NPAS1: variants seen among roughly 807,000 people sequenced by gnomAD.
The protein encoded by NPAS1 is neuronal PAS domain protein 1.
In NPAS1, 29 loss-of-function variants were observed where a neutral mutation model predicts 49.2. The observed-to-expected ratio is 0.59, with a 90% CI of 0.44 to 0.80. The LOEUF is 0.80. NPAS1 is among the 30% of genes least tolerant of loss of function. The pLI is 0.00. For missense variants in NPAS1, 825 were observed against 835.5 expected (o/e 0.99, Z 0.15); for synonymous variants, 408 against 380.4 (o/e 1.07, Z -0.84).
At chr19:47,037,638 G>A (rs562979505) in intron 6 of NPAS1, among the ~76,000 whole-genome samples, 4 of 152,156 alleles carry the variant, frequency 2.6e-5, no homozygotes, top group African/African-American at 9.6e-5. Flanking sequence ...TGAGATGTTG[G>A]GGGCCTATGA....
At chr19:47,044,361 C>T (rs2057052670) in intron 11 of NPAS1, among the ~76,000 whole-genome samples, 1 of 150,706 alleles carries the variant, frequency 6.6e-6, no homozygotes, top group African/African-American at 2.4e-5. Flanking sequence ...GCATGAGCCA[C>T]CATGCCCTGC....
intron 5 of NPAS1, among the ~76,000 whole-genome samples, chr19:47,035,568 CCT>C (rs1474807078): frequency 6.6e-6 from 1 of 152,126 alleles, no homozygotes; most frequent in Non-Finnish European, 1.5e-5. Flanking sequence ...AAACCACTCC[CCT>C]GTTTGTATCT....
intron 9 of NPAS1, 99 bp downstream of exon 9, chr19:47,040,649 G>C: frequency 1.3e-6 from 1 of 785,252 alleles, no homozygotes; most frequent in South Asian, 1.6e-5. Context: ...GCTGCCCACA[G>C]TCCCTCCTGC....
At position 47,033,185 on chromosome 19, in the gene NPAS1, C is replaced by T. The variant is rs561367521; in HGVS notation, c.522+453C>T. Among the ~76,000 whole-genome samples the T allele has an allele frequency of 2.2e-4, 34 of 151,932 alleles. 1 individual carries two copies. The South Asian group carries it at 5.6e-3, about 25-fold the overall frequency. On this transcript the variant is annotated intron_variant, in intron 5 of 11. Transcript: ENST00000602212. ...TCTCCTGACCTCGTGATCCACCTGC[C>T]TCGGCCTCCCAAAGTGCTAGGATTA... is the stretch of plus-strand genomic sequence containing the variant.
Position 47,033,193 on chromosome 19 carries a change from C to T in NPAS1, c.522+461C>T, listed in dbSNP as rs530487377. ...CCTCGTGATCCACCTGCCTCGGCCTCCCAAAGTGCTAGGATTACAGTGTGA... is the reference window on the plus strand; with the variant it reads ...CCTCGTGATCCACCTGCCTCGGCCTTCCAAAGTGCTAGGATTACAGTGTGA... On this transcript the variant is annotated intron_variant, in intron 5 of 11. Coordinates refer to ENST00000602212, the MANE Select transcript of NPAS1 (RefSeq NM_002517.4). 6.6e-5 allele frequency among the ~76,000 whole-genome samples: 10 copies of T among 152,086 alleles called. No homozygotes were observed. The South Asian group carries it at 2.1e-3, about 32-fold the overall frequency.
At chr19:47,026,109 T>C (rs1472061525) in intron 3 of NPAS1, among the ~76,000 whole-genome samples, 1 of 152,116 alleles carries the variant, frequency 6.6e-6, no homozygotes, top group African/African-American at 2.4e-5. Context: ...CAGCTAATTT[T>C]TGTATTTTTA....
At position 47,032,343 on chromosome 19, in the gene NPAS1, A is replaced by G. The variant is rs1015892495; in HGVS notation, c.424A>G (p.Ile142Val). The G allele has an allele frequency of 1.4e-5, 22 of 1,613,902 alleles. No individual in the cohort carries two copies. Among genetic ancestry groups the G allele is most frequent in the Non-Finnish European group, 1.7e-5 (20 of 1,180,000 alleles). Residue 142 changes from isoleucine (I) to valine (V), a missense_variant, in exon 4 of 12, where the codon ATC (isoleucine) becomes GTC (valine). Coordinates refer to ENST00000602212, the MANE Select transcript of NPAS1 (RefSeq NM_002517.4). Reference sequence around the variant, plus strand: ...CTTCGAGCAGCACCTGGGAGGTCACATCTTGCAGGTGAGTGAGGCCCCTTC... The same window carrying G: ...CTTCGAGCAGCACCTGGGAGGTCACGTCTTGCAGGTGAGTGAGGCCCCTTC... Reference protein sequence around the residue: ...EVFEQHLGGHILQSLDGFVFA... With the variant: ...EVFEQHLGGHVLQSLDGFVFA...
chr19:47,023,164 CGCGGAGAGAAT>C (rs1398645683), intron 3 of NPAS1, among the ~76,000 whole-genome samples: 1 of 152,122 alleles, frequency 6.6e-6, no homozygotes, highest in East Asian at 1.9e-4. Context: ...AATTGACTGG[CGCGGAGAGAAT>C]GCGGCATTAG....
chr19:47,027,184 G>C (rs772559059), intron 3 of NPAS1, among the ~76,000 whole-genome samples: 1 of 152,158 alleles, frequency 6.6e-6, no homozygotes, highest in Non-Finnish European at 1.5e-5. Context: ...CCCTCTCCCC[G>C]ACTTCCCTGG....
At chr19:47,030,680 G>A (rs1379771794) in intron 3 of NPAS1, among the ~76,000 whole-genome samples, 1 of 128,108 alleles carries the variant, frequency 7.8e-6, no homozygotes, top group East Asian at 2.5e-4. Flanking sequence ...CTGAGACAGA[G>A]TCTCACTCTG....
At chr19:47,022,469 G>C (rs2056848241) in intron 3 of NPAS1, among the ~76,000 whole-genome samples, 1 of 152,254 alleles carries the variant, frequency 6.6e-6, no homozygotes. Flanking sequence ...CCTCCCCCAG[G>C]GGGCTGAGCA....
chr19:47,029,449 G>T (rs190231400), intron 3 of NPAS1, among the ~76,000 whole-genome samples: 1 of 151,468 alleles, frequency 6.6e-6, no homozygotes, highest in African/African-American at 2.4e-5. Flanking sequence ...GCCCAGGCTG[G>T]AGTGCAGTGG....
At position 47,039,578 on chromosome 19, in the gene NPAS1, G is replaced by A; in HGVS notation, c.962+14G>A. 6.5e-7 allele frequency: 1 copy of A among 1,542,718 alleles called. No individual in the cohort carries two copies. Among genetic ancestry groups the A allele is most frequent in the Non-Finnish European group, 8.8e-7 (1 of 1,142,070 alleles). ...TTGTGAGAGCAGGTACCGGGGTTGGGGGCTGTGGCGGGTGGATTGGGGGCA... is the reference window on the plus strand; with the variant it reads ...TTGTGAGAGCAGGTACCGGGGTTGGAGGCTGTGGCGGGTGGATTGGGGGCA... On this transcript the variant is annotated intron_variant, in intron 8 of 11. Transcript: ENST00000602212.
chr19:47,021,230 G>A lies in NPAS1; in HGVS notation c.122+61G>A, dbSNP rs1214159751. ...CCCCCGGGTCCAATTCACACCCGAT[G>A]TTCTGTCCCCGTGCCAAGGGGCAGT... On this transcript the variant is annotated intron_variant, in intron 2 of 11. Transcript: ENST00000602212. The surrounding 1 kb of genome is among the most constrained non-coding windows in gnomAD (Gnocchi z 5.7). 4 of 1,410,322 alleles carry A rather than the reference G, an allele frequency of 2.8e-6. No individual in the cohort carries two copies. The African/African-American group carries it at 4.4e-5, about 16-fold the overall frequency. The allele number at this position is 1,410,322 out of a possible 1,614,324, so 87.4% of individuals were successfully genotyped here.
At position 47,040,931 on chromosome 19, in the gene NPAS1, C is replaced by T. The variant is rs78943420; in HGVS notation, c.1070-47C>T. 3,690 of 1,424,226 alleles carry T rather than the reference C, an allele frequency of 2.6e-3. 101 individuals carry two copies. The African/African-American group carries it at 0.048, about 19-fold the overall frequency. The allele number at this position is 1,424,226 out of a possible 1,614,324, so 88.2% of individuals were successfully genotyped here. ...GTCTACCTGGCTCTCTGTCTTGCCC[C>T]TGTCCCCACCCCACCCCCTTCCCAT... On this transcript the variant is annotated intron_variant, in intron 9 of 11. Transcript: ENST00000602212.
chr19:47,045,607 T>C lies in NPAS1; in HGVS notation c.1729T>C (p.Tyr577His), dbSNP rs1039098290. Reference sequence around the variant, plus strand: ...CTTTTACCCGCCCCTGGGCCTGCCCTACCCGGGGCCCGCGGGCACCAGGCT... The same window carrying C: ...CTTTTACCCGCCCCTGGGCCTGCCCCACCCGGGGCCCGCGGGCACCAGGCT... The part of the protein sequence containing the change: ...EAFYPPLGLP[Y>H]PGPAGTRLPR... Residue 577 changes from tyrosine to histidine, a missense_variant, in exon 12 of 12, where the codon TAC becomes CAC. Tyr to His is a moderately conservative substitution (Grantham distance 83). Coordinates refer to ENST00000602212, the MANE Select transcript of NPAS1 (RefSeq NM_002517.4). 2.1e-6 allele frequency: 3 copies of C among 1,454,022 alleles called. No individual in the cohort carries two copies. The highest frequency in any genetic ancestry group is 2.7e-6 in the Non-Finnish European group (3 of 1,114,598). The allele number at this position is 1,454,022 out of a possible 1,614,324, so 90.1% of individuals were successfully genotyped here.
In NPAS1 at chr19:47,032,743, C is replaced by G; in HGVS notation, c.522+11C>G. On this transcript the variant is annotated intron_variant, in intron 5 of 11. Transcript: ENST00000602212. ...CTGGGTCTCTCACAGGTAAGGGACCCCCAGTGGACCTGGATTGGCTCAGCC... is the reference window on the plus strand; with the variant it reads ...CTGGGTCTCTCACAGGTAAGGGACCGCCAGTGGACCTGGATTGGCTCAGCC... 3 of 1,600,652 alleles carry G rather than the reference C, an allele frequency of 1.9e-6. No homozygotes were observed. In the East Asian group the frequency reaches 6.7e-5, roughly 36 times the overall value.
chr19:47,035,892 G>A lies in NPAS1; in HGVS notation c.523-72G>A, dbSNP rs918225595. 12 of 1,431,638 alleles carry A rather than the reference G, an allele frequency of 8.4e-6. No individual in the cohort carries two copies. In the African/African-American group the frequency reaches 1.7e-4, roughly 21 times the overall value. The allele number at this position is 1,431,638 out of a possible 1,614,324, so 88.7% of individuals were successfully genotyped here. On this transcript the variant is annotated intron_variant, in intron 5 of 11. Transcript: ENST00000602212. ...GCGTGCAGGCAAATGAGGCAAGGCTGAGCCCAGAGGGCGAGCGAGTTACTG... is the reference window on the plus strand; with the variant it reads ...GCGTGCAGGCAAATGAGGCAAGGCTAAGCCCAGAGGGCGAGCGAGTTACTG...
rs191141750 is a variant in NPAS1, at chr19:47,040,557, C to T, written c.1069+7C>T. 2.0e-5 allele frequency: 31 copies of T among 1,541,118 alleles called. No homozygotes were observed. In the Middle Eastern group the frequency reaches 1.3e-3, roughly 64 times the overall value. ...CGCCAGAGCCACGTGGACTGTGAGA[C>T]CCACCTCCACCCACCAAGCCTGCCT... On this transcript the variant is annotated splice_region_variant and intron_variant, in intron 9 of 11. Coordinates refer to ENST00000602212, the MANE Select transcript of NPAS1 (RefSeq NM_002517.4).
Sources: gnomAD v4.1 joint callset for allele counts (sites outside exome capture counted in the v4.1 genomes callset) on GRCh38, gnomAD v4.1.1 for gene constraint, Gnocchi (gnomAD v3.1) non-coding constraint, MANE v1.5 for transcripts, NCBI Gene and HGNC (gene_info 2026-07-23, HGNC 2026-07-21) for gene names.